The following SNX24 variants were observed in gnomAD, a reference collection of about 807,000 sequenced individuals.
SNX24 encodes sorting nexin-24.
Under a neutral mutation model 28.7 loss-of-function variants are expected in SNX24, and 22 were observed. That is an observed-to-expected ratio of 0.77 (90% CI 0.55 to 1.10). The LOEUF is 1.10. Ranked by LOEUF, SNX24 falls within the 50% of genes least tolerant of loss-of-function variation. The pLI is 0.00. For missense variants in SNX24, 221 were observed against 201.1 expected, an observed-to-expected ratio of 1.10 and a Z score of -0.60; for synonymous variants, 69 against 71.5, an observed-to-expected ratio of 0.96 and a Z score of 0.18.
At chr5:122,890,445 A>T (rs1408979443) in intron 1 of SNX24, among the ~76,000 whole-genome samples, 1 of 149,542 alleles carries the variant, frequency 6.7e-6, no homozygotes, top group East Asian at 2.0e-4. Flanking sequence ...CCTTCTCTGT[A>T]AGGAAAAGAT....
At chr5:122,866,745 A>T (rs369984970) in intron 1 of SNX24, among the ~76,000 whole-genome samples, 3 of 152,070 alleles carry the variant, frequency 2.0e-5, no homozygotes, top group African/African-American at 7.2e-5. Flanking sequence ...AGGATCAGTC[A>T]CCCCAGCCAG....
At chr5:122,915,738 G>T (rs912721521) in intron 1 of SNX24, among the ~76,000 whole-genome samples, 2 of 152,230 alleles carry the variant, frequency 1.3e-5, no homozygotes, top group African/African-American at 4.8e-5. Context: ...CTTTAGTGTG[G>T]CCTGTGAGGC....
intron 1 of SNX24, among the ~76,000 whole-genome samples, chr5:122,871,756 G>A (rs897881978): frequency 6.6e-6 from 1 of 152,078 alleles, no homozygotes; most frequent in African/African-American, 2.4e-5. Flanking sequence ...GGTGACAAAA[G>A]TGAAACTCTG....
chr5:122,998,905 G>A (rs1163927992), intron 3 of SNX24, among the ~76,000 whole-genome samples: 2 of 152,160 alleles, frequency 1.3e-5, no homozygotes, highest in Non-Finnish European at 2.9e-5. Flanking sequence ...TTTCACCACT[G>A]ATTCTCATAG....
chr5:122,961,940 T>C (rs368850758), intron 3 of SNX24, among the ~76,000 whole-genome samples: 2 of 152,226 alleles, frequency 1.3e-5, no homozygotes, highest in African/African-American at 4.8e-5. Flanking sequence ...AAAAAAACTT[T>C]AGAAGCTTTT....
At chr5:122,982,006 G>A (rs1418032443) in intron 3 of SNX24, among the ~76,000 whole-genome samples, 1 of 152,214 alleles carries the variant, frequency 6.6e-6, no homozygotes, top group African/African-American at 2.4e-5. Context: ...GGCAGGAAGC[G>A]GAAGAGAGTA....
intron 3 of SNX24, among the ~76,000 whole-genome samples, chr5:122,947,463 A>T (rs1487329387): frequency 6.6e-6 from 1 of 152,152 alleles, no homozygotes; most frequent in Non-Finnish European, 1.5e-5. Flanking sequence ...AGGAAAGCTG[A>T]CATGCAGAAG....
rs188185934 is a variant in SNX24 at position 122,928,702 on chromosome 5, C to T, written c.61-8032C>T. Among the ~76,000 whole-genome samples, 265 of 151,930 alleles carry T rather than the reference C, an allele frequency of 1.7e-3. 1 individual carries two copies. Among genetic ancestry groups the T allele is most frequent in the South Asian group, 4.2e-3 (20 of 4,790 alleles). On this transcript the variant is annotated intron_variant, in intron 1 of 6. Transcript: ENST00000261369. ...GAACCTCTGCAGTCACACACCCCTG[C>T]CAGTACCTTGATTTTAGCCCATGAG...
At chr5:122,975,671 A>G (rs1033915658) in intron 3 of SNX24, among the ~76,000 whole-genome samples, 1 of 152,204 alleles carries the variant, frequency 6.6e-6, no homozygotes, top group African/African-American at 2.4e-5. Context: ...CATTAGGAGG[A>G]AGACAATCTA....
chr5:122,976,465 T>C (rs1410300133), intron 3 of SNX24, among the ~76,000 whole-genome samples: 1 of 152,226 alleles, frequency 6.6e-6, no homozygotes, highest in Non-Finnish European at 1.5e-5. Flanking sequence ...TGTGCCATAT[T>C]ATCACTAGCC....
chr5:123,023,560 G>T, intron 5 of SNX24: 1 of 179,568 alleles, frequency 5.6e-6, no homozygotes, highest in South Asian at 1.3e-4. Flanking sequence ...CCCAATATGG[G>T]GATCATAATG....
chr5:123,003,663 T>C (rs1762324487), intron 6 of SNX24, among the ~76,000 whole-genome samples: 1 of 152,186 alleles, frequency 6.6e-6, no homozygotes, highest in Admixed American at 6.5e-5. Flanking sequence ...TCATACAGCT[T>C]ATTGAGCAGT....
chr5:122,874,994 A>G (rs1230297554), intron 1 of SNX24, among the ~76,000 whole-genome samples: 1 of 152,272 alleles, frequency 6.6e-6, no homozygotes, highest in African/African-American at 2.4e-5. Context: ...TTGAATTTCT[A>G]TAAAGAGGTG....
intron 1 of SNX24, among the ~76,000 whole-genome samples, chr5:122,853,115 CTTTTTTTTTTTTTTTT>C (rs10530519): frequency 0.025 from 1,765 of 71,804 alleles, 69 homozygotes; most frequent in African/African-American, 0.098. Flanking sequence ...GTTCTTTAGC[CTTTTTTTTTTTTTTTT>C]TTTTTTTTTT....
At position 122,999,814 on chromosome 5, in the gene SNX24, A is replaced by G. The variant is rs1762182236; in HGVS notation, c.250-98A>G. ...GACTGTGAGGAATGTTGCTGGTAAG[A>G]ACTTTGATGGACGGTTATGACTTTT... On this transcript the variant is annotated intron_variant, in intron 3 of 6. Coordinates refer to ENST00000261369, the MANE Select transcript of SNX24 (RefSeq NM_014035.4). 4 of 776,950 alleles carry G rather than the reference A, an allele frequency of 5.1e-6. No homozygotes were observed. In the East Asian group the frequency reaches 7.4e-5, roughly 14 times the overall value. The allele number at this position is 776,950 out of a possible 1,614,324, so 48.1% of individuals were successfully genotyped here. A position where few individuals can be genotyped will look rare whatever the true frequency, so the allele number is the denominator to read the frequency against.
chr5:122,858,386 A>G (rs1019620885), intron 1 of SNX24, among the ~76,000 whole-genome samples: 1 of 152,278 alleles, frequency 6.6e-6, no homozygotes, highest in African/African-American at 2.4e-5. Context: ...TTTGTAATAA[A>G]TGCAGTATCT....
Position 122,908,842 on chromosome 5 carries a change from A to T in SNX24, c.61-27892A>T, listed in dbSNP as rs1294717610. Among the ~76,000 whole-genome samples, 54 of 152,192 alleles carry T rather than the reference A, an allele frequency of 3.5e-4. 1 individual carries two copies. The highest frequency in any genetic ancestry group is 3.5e-3 in the Admixed American group (54 of 15,276). On this transcript the variant is annotated intron_variant, in intron 1 of 6. Transcript: ENST00000261369. ...TGCTGAGTGAAAAAGCAAGAGGTGG[A>T]ACGGAATGTCCTGTGCTGCCTCTTG...
chr5:122,972,397 TATATTGGA>T (rs757172477), intron 3 of SNX24, among the ~76,000 whole-genome samples: 9 of 152,136 alleles, frequency 5.9e-5, no homozygotes, highest in Non-Finnish European at 1.0e-4. Context: ...AGCAGTAGCA[TATATTGGA>T]TGCTGATTCA....
intron 1 of SNX24, among the ~76,000 whole-genome samples, chr5:122,846,829 G>A (rs1202996248): frequency 6.6e-6 from 1 of 152,182 alleles, no homozygotes; most frequent in Non-Finnish European, 1.5e-5. Flanking sequence ...GAAAATGCAG[G>A]GAGAGGGAGC....
Sources: allele counts gnomAD v4.1 joint callset (sites outside exome capture counted in the v4.1 genomes callset), GRCh38; gene constraint gnomAD v4.1.1; transcripts MANE v1.5; gene names NCBI Gene and HGNC (gene_info 2026-07-23, HGNC 2026-07-21).